Variants in CAP2 observed in about 807,000 individuals in gnomAD.
CAP2 encodes the protein cyclase associated actin cytoskeleton regulatory protein 2.
CAP2 carries 24 observed loss-of-function variants against 57.7 expected under a neutral mutation model. The ratio of observed to expected loss-of-function variants is 0.42; its 90% CI spans 0.30 to 0.58. The LOEUF (loss-of-function observed/expected upper bound fraction) is 0.58. CAP2 is among the 20% of genes least tolerant of loss of function. The pLI, the probability that CAP2 is intolerant of heterozygous loss-of-function variation, is 0.22. For synonymous variants in CAP2, 194 were observed against 207.2 expected, an observed-to-expected ratio of 0.94 and a Z score of 0.55; for missense variants, 501 against 590.3, an observed-to-expected ratio of 0.85 and a Z score of 1.57.
rs1182545727 is a variant in CAP2, at chr6:17,405,893, AC to A, written c.-2+12149del. Among the ~76,000 whole-genome samples, 10 of 152,122 alleles carry A rather than the reference AC, an allele frequency of 6.6e-5. No individual in the cohort carries two copies. In the East Asian group the frequency reaches 1.9e-3, roughly 29 times the overall value. ...GTAGCTGGGACTATAGGCTCAGGCC[AC>A]CACACTCAGCTAATTTTTAAGTTTT... On this transcript the variant is annotated intron_variant, in intron 1 of 12. Coordinates refer to ENST00000229922, the MANE Select transcript of CAP2 (RefSeq NM_006366.3).
chr6:17,472,068 C>CTCTCT (rs1761035023), intron 4 of CAP2, among the ~76,000 whole-genome samples: 2 of 91,004 alleles, frequency 2.2e-5, no homozygotes, highest in Non-Finnish European at 2.1e-5. Context: ...GGCGCGGTGG[C>CTCTCT]TCACGCCTGT....
chr6:17,507,117 T>C (rs753336214), intron 4 of CAP2, 52 bp from the exon 5 acceptor site: 4 of 1,600,332 alleles, frequency 2.5e-6, no homozygotes, highest in Non-Finnish European at 3.4e-6. Flanking sequence ...ATAGAGGTGC[T>C]ATGCGTCTGC....
chr6:17,498,830 G>A (rs1020617393), intron 4 of CAP2, among the ~76,000 whole-genome samples: 3 of 151,956 alleles, frequency 2.0e-5, no homozygotes, highest in Non-Finnish European at 2.9e-5. Context: ...CTGGGTTCAC[G>A]CCATTCTCCT....
At chr6:17,402,149 T>C (rs1182942997) in intron 1 of CAP2, among the ~76,000 whole-genome samples, 2 of 152,210 alleles carry the variant, frequency 1.3e-5, no homozygotes, top group African/African-American at 4.8e-5. Flanking sequence ...GCTTTTTTCC[T>C]AAGACTAATC....
At position 17,475,557 on chromosome 6, in the gene CAP2, C is replaced by T. The variant is rs74653238; in HGVS notation, c.300+12484C>T. 2.8e-3 allele frequency among the ~76,000 whole-genome samples: 430 copies of T among 152,240 alleles called. 1 individual carries two copies. Among genetic ancestry groups the T allele is most frequent in the African/African-American group, 9.8e-3 (408 of 41,542 alleles). On this transcript the variant is annotated intron_variant, in intron 4 of 12. Transcript: ENST00000229922. ...GAATGGTTCATTTCTAGATGTGTGG[C>T]GCTAACGATGAGAAATGACGGCAAC...
intron 1 of CAP2, among the ~76,000 whole-genome samples, chr6:17,408,560 C>T: frequency 6.6e-6 from 1 of 151,992 alleles, no homozygotes; most frequent in East Asian, 1.9e-4. Context: ...ACTCATCATT[C>T]CAGAGAGACA....
intron 3 of CAP2, among the ~76,000 whole-genome samples, chr6:17,452,922 A>C (rs1465501642): frequency 6.6e-6 from 1 of 152,184 alleles, no homozygotes; most frequent in Admixed American, 6.5e-5. Flanking sequence ...TGCCTGAATA[A>C]GTCCTTTCTA....
intron 7 of CAP2, among the ~76,000 whole-genome samples, chr6:17,534,226 G>C (rs1330817690): frequency 6.6e-6 from 1 of 152,212 alleles, no homozygotes; most frequent in African/African-American, 2.4e-5. Context: ...TACTATAAAA[G>C]AATTTGTTAT....
intron 4 of CAP2, among the ~76,000 whole-genome samples, chr6:17,476,185 G>A (rs942318842): frequency 2.0e-5 from 3 of 152,158 alleles, no homozygotes; most frequent in Non-Finnish European, 4.4e-5. Flanking sequence ...TTTAAAATGG[G>A]AAAATGTGGC....
intron 5 of CAP2, 82 bp downstream of exon 5, chr6:17,507,394 C>A: frequency 1.4e-6 from 2 of 1,410,210 alleles, no homozygotes; most frequent in Non-Finnish European, 9.9e-7. Flanking sequence ...GCTACCTTCA[C>A]GCTCCTTGCA....
At chr6:17,458,886 C>CAA (rs397779120) in intron 3 of CAP2, among the ~76,000 whole-genome samples, 4,495 of 110,216 alleles carry the variant, frequency 0.041, 255 homozygotes, top group African/African-American at 0.12. Flanking sequence ...CACAAAGGAG[C>CAA]AAAAAAAAAA....
intron 4 of CAP2, among the ~76,000 whole-genome samples, chr6:17,469,379 T>G (rs554481694): frequency 2.6e-5 from 4 of 152,208 alleles, no homozygotes; most frequent in African/African-American, 9.6e-5. Context: ...GACCTGACAG[T>G]GAAATGATCT....
chr6:17,507,538 C>G (rs941635640), intron 5 of CAP2, 103 bp from the exon 6 acceptor site: 4 of 825,248 alleles, frequency 4.8e-6, no homozygotes, highest in Non-Finnish European at 8.2e-6. Context: ...CTCCCACTTT[C>G]AAGTCCACGC....
chr6:17,445,357 T>A (rs1364992816), intron 3 of CAP2, among the ~76,000 whole-genome samples: 1 of 152,228 alleles, frequency 6.6e-6, no homozygotes, highest in Non-Finnish European at 1.5e-5. Context: ...TCCACCCATC[T>A]CGGCCTCCGA....
intron 7 of CAP2, among the ~76,000 whole-genome samples, chr6:17,534,558 C>T (rs1257979203): frequency 6.6e-6 from 1 of 152,174 alleles, no homozygotes; most frequent in Non-Finnish European, 1.5e-5. Context: ...GGGAGCGATC[C>T]TTTTGTATCT....
At chr6:17,527,634 T>C (rs1438429891) in intron 7 of CAP2, among the ~76,000 whole-genome samples, 2 of 149,688 alleles carry the variant, frequency 1.3e-5, no homozygotes, top group South Asian at 2.1e-4. Context: ...TCTTGCTCTG[T>C]CGCCCAGGCT....
chr6:17,468,871 G>T (rs1760942570), intron 4 of CAP2, among the ~76,000 whole-genome samples: 1 of 152,194 alleles, frequency 6.6e-6, no homozygotes. Context: ...CCAGCCCCAG[G>T]ATGTAGACCT....
intron 4 of CAP2, among the ~76,000 whole-genome samples, chr6:17,472,690 T>G (rs1327197812): frequency 6.6e-6 from 1 of 152,206 alleles, no homozygotes; most frequent in Non-Finnish European, 1.5e-5. Context: ...ATGTAGATGC[T>G]GGTTAACACA....
chr6:17,491,673 G>A (rs2113635790), intron 4 of CAP2, among the ~76,000 whole-genome samples: 1 of 152,280 alleles, frequency 6.6e-6, no homozygotes, highest in African/African-American at 2.4e-5. Flanking sequence ...TTAGCTGTGG[G>A]AGCGAGACAT....
Sources: allele counts gnomAD v4.1 joint callset (sites outside exome capture counted in the v4.1 genomes callset), GRCh38; gene constraint gnomAD v4.1.1; transcripts MANE v1.5; gene names NCBI Gene and HGNC (gene_info 2026-07-23, HGNC 2026-07-21).